TMEM200A: variants seen among roughly 807,000 people sequenced by gnomAD.
TMEM200A encodes transmembrane protein 200A, also known as two transmembrane C.
A neutral mutation model predicts 24.3 loss-of-function variants in TMEM200A; 12 were observed. The observed-to-expected ratio is 0.49, with a 90% CI of 0.32 to 0.80. The LOEUF is 0.80. TMEM200A is among the 30% of genes least tolerant of loss of function. TMEM200A has a pLI of 0.04. For synonymous variants in TMEM200A, 224 were observed against 224.4 expected (o/e 1.00, Z 0.02); for missense variants, 545 against 614.4 (o/e 0.89, Z 1.19).
intron 2 of TMEM200A, 78 bp from the exon 3 acceptor site, chr6:130,440,329 C>A: frequency 7.2e-7 from 1 of 1,382,430 alleles, no homozygotes. Context: ...TCTGTGTAAA[C>A]AGTTGTTTAA....
At chr6:130,402,265 C>A (rs1411148805) in intron 2 of TMEM200A, among the ~76,000 whole-genome samples, 1 of 151,802 alleles carries the variant, frequency 6.6e-6, no homozygotes, top group Non-Finnish European at 1.5e-5. Flanking sequence ...AAGTGAAACA[C>A]AACAAACAAT....
chr6:130,441,117 T>C lies in TMEM200A; in HGVS notation c.695T>C (p.Met232Thr), dbSNP rs754270629. The C allele has an allele frequency of 1.1e-5, 17 of 1,613,956 alleles. No individual in the cohort carries two copies. The African/African-American group carries it at 1.2e-4, about 11-fold the overall frequency. Residue 232 changes from methionine to threonine, a missense_variant, in exon 3 of 3, where the codon ATG becomes ACG. Met to Thr is a moderately conservative substitution (Grantham distance 81). Transcript: ENST00000296978. ...AGCTCCGTGGAGGAGGATGAACTTA[T>C]GTTAAATGAAGGTAAGAGTTCTGGG... The part of the protein sequence containing the change: ...MDSSVEEDEL[M>T]LNEGKSSGHL...
At chr6:130,374,267 A>C (rs2115072388) in intron 1 of TMEM200A, among the ~76,000 whole-genome samples, 1 of 152,206 alleles carries the variant, frequency 6.6e-6, no homozygotes, top group East Asian at 1.9e-4. Context: ...GAGTGTTCTA[A>C]CTGCACTTTT....
At chr6:130,388,516 G>T (rs1374626672) in intron 2 of TMEM200A, among the ~76,000 whole-genome samples, 1 of 152,114 alleles carries the variant, frequency 6.6e-6, no homozygotes, top group Non-Finnish European at 1.5e-5. Flanking sequence ...ATTCTCGCTT[G>T]TACATGTTTT....
chr6:130,366,173 C>T lies in TMEM200A; in HGVS notation c.-432C>T, dbSNP rs1034886270. On this transcript the variant is annotated 5_prime_UTR_variant, in exon 1 of 3. Coordinates refer to ENST00000296978, the MANE Select transcript of TMEM200A (RefSeq NM_001258277.2). This position sits in a 1 kb window ranked among gnomAD's most constrained non-coding sequence, Gnocchi z 4.4. ...AGGGCAGGCGCGCCTGGACTCTGCG[C>T]CCGGATGGCGGCGGCCCTCTGTGAG... 4.1e-6 allele frequency: 4 copies of T among 985,260 alleles called. No homozygotes were observed. Among genetic ancestry groups the T allele is most frequent in the Admixed American group, 1.2e-4 (2 of 16,286 alleles). The allele number at this position is 985,260 out of a possible 1,614,324, so 61.0% of individuals were successfully genotyped here.
chr6:130,379,864 A>T (rs1778554345), intron 1 of TMEM200A, among the ~76,000 whole-genome samples: 1 of 152,204 alleles, frequency 6.6e-6, no homozygotes, highest in South Asian at 2.1e-4. Context: ...TGAGAAAAGA[A>T]GGAGGCTTAG....
chr6:130,419,627 CAT>C (rs1490248837), intron 2 of TMEM200A, among the ~76,000 whole-genome samples: 1 of 152,102 alleles, frequency 6.6e-6, no homozygotes, highest in African/African-American at 2.4e-5. Flanking sequence ...AATTATTAGT[CAT>C]GTGATACAAA....
At chr6:130,438,099 G>A (rs1322515342) in intron 2 of TMEM200A, 1 of 152,156 alleles carries the variant, frequency 6.6e-6, no homozygotes, top group Non-Finnish European at 1.5e-5. Flanking sequence ...TCAAACATTT[G>A]AAATGGTTTT....
intron 2 of TMEM200A, among the ~76,000 whole-genome samples, chr6:130,416,939 T>A (rs1275527364): frequency 6.6e-6 from 1 of 152,182 alleles, no homozygotes; most frequent in East Asian, 1.9e-4. Context: ...ACTTGGCACA[T>A]GCTAGTCTTC....
intron 2 of TMEM200A, among the ~76,000 whole-genome samples, chr6:130,432,281 A>C (rs910167307): frequency 3.3e-5 from 5 of 152,226 alleles, no homozygotes; most frequent in Non-Finnish European, 4.4e-5. Context: ...AAGTTAACTA[A>C]AAACATCAGA....
chr6:130,386,961 T>TA (rs1778724867), intron 2 of TMEM200A, among the ~76,000 whole-genome samples: 1 of 152,212 alleles, frequency 6.6e-6, no homozygotes, highest in African/African-American at 2.4e-5. Flanking sequence ...ACCGTCCAGT[T>TA]ATGGTGGAGG....
Position 130,440,685 on chromosome 6 carries a change from A to G in TMEM200A, c.263A>G (p.Glu88Gly). Residue 88 changes from glutamate to glycine, a missense_variant, in exon 3 of 3, where the codon GAA becomes GGA. Transcript: ENST00000296978. ...GTTCTTGGATATTGGCCCCAAAAAG[A>G]ACATTTTATTGATGCTGAAACAACA... Reference protein sequence around the residue: ...MAVLGYWPQKEHFIDAETTLS... With the variant: ...MAVLGYWPQKGHFIDAETTLS... 1.2e-6 allele frequency: 2 copies of G among 1,614,112 alleles called. No individual in the cohort carries two copies. Among genetic ancestry groups the G allele is most frequent in the Non-Finnish European group, 1.7e-6 (2 of 1,179,940 alleles).
At chr6:130,434,522 A>G (rs9492590) in intron 2 of TMEM200A, among the ~76,000 whole-genome samples, 42,845 of 152,056 alleles carry the variant, frequency 0.28, 7,644 homozygotes, top group African/African-American at 0.51. Flanking sequence ...TATAGGAATA[A>G]ACTTCTGTGA....
chr6:130,438,052 T>C (rs1453769568), intron 2 of TMEM200A: 4 of 152,216 alleles, frequency 2.6e-5, no homozygotes, highest in Non-Finnish European at 4.4e-5. Context: ...TGGAAATAAC[T>C]GGGCTAGAGG....
intron 2 of TMEM200A, among the ~76,000 whole-genome samples, chr6:130,391,944 C>T (rs1026709517): frequency 7.9e-5 from 12 of 151,912 alleles, no homozygotes; most frequent in Non-Finnish European, 1.5e-4. Flanking sequence ...AAAGTTTCAC[C>T]GCGTTAGCCA....
chr6:130,365,564 G>A (rs1778114646), upstream of TMEM200A: 3 of 985,242 alleles, frequency 3.0e-6, no homozygotes, highest in Non-Finnish European at 3.6e-6. Flanking sequence ...GGAATACTGC[G>A]AGTCGGCTGG....
chr6:130,370,515 T>C (rs535301983), intron 1 of TMEM200A, among the ~76,000 whole-genome samples: 17 of 152,306 alleles, frequency 1.1e-4, no homozygotes, highest in Non-Finnish European at 2.2e-4. Context: ...AATAGTCTAT[T>C]ATTGGGAATA....
At chr6:130,412,098 C>CT (rs11154577) in intron 2 of TMEM200A, among the ~76,000 whole-genome samples, 33,030 of 131,528 alleles carry the variant, frequency 0.25, 4,944 homozygotes, top group African/African-American at 0.43. Flanking sequence ...GTTTCCTTGG[C>CT]TTTTTTTTTT....
intron 2 of TMEM200A, among the ~76,000 whole-genome samples, chr6:130,398,816 T>C (rs1779015850): frequency 6.6e-6 from 1 of 151,990 alleles, no homozygotes; most frequent in Middle Eastern, 3.2e-3. Context: ...TCTAATGATA[T>C]TATAATATTT....
Sources: gnomAD v4.1 joint callset for allele counts (sites outside exome capture counted in the v4.1 genomes callset) on GRCh38, gnomAD v4.1.1 for gene constraint, Gnocchi (gnomAD v3.1) non-coding constraint, MANE v1.5 for transcripts, NCBI Gene and HGNC (gene_info 2026-07-23, HGNC 2026-07-21) for gene names.